The following AKT1 variants were observed in gnomAD, a reference collection of about 807,000 sequenced individuals.
AKT1 encodes the protein RAC-alpha serine/threonine-protein kinase.
Under a neutral mutation model 63.1 loss-of-function variants are expected in AKT1, and 21 were observed. The observed-to-expected ratio is 0.33, with a 90% confidence interval of 0.24 to 0.48. AKT1 has a LOEUF of 0.48. Among genes scored for constraint, AKT1 ranks in the 20% least tolerant of loss-of-function variants. The pLI, the probability that AKT1 is intolerant of heterozygous loss-of-function variation, is 0.99. For missense variants in AKT1, 382 were observed against 666.0 expected (o/e 0.57, Z 4.69); for synonymous variants, 257 against 253.1 (o/e 1.02, Z -0.15).
In AKT1 at chr14:104,786,002, G is replaced by A. The variant is rs1027468749; in HGVS notation, c.47-5786C>T. Among the ~76,000 whole-genome samples, 13 of 151,928 alleles carry A rather than the reference G, an allele frequency of 8.6e-5. No homozygotes were observed. In the East Asian group the frequency reaches 1.6e-3, roughly 18 times the overall value. On this transcript the variant is annotated intron_variant, in intron 3 of 14. Transcript: ENST00000649815. ...ATGTCCTCCCCCACAGGCACTGCCC[G>A]TCACCCACCCCTCGGGCCGGCAAAG... is the stretch of plus-strand genomic sequence containing the variant.
chr14:104,783,262 G>A (rs1893159932), intron 3 of AKT1, among the ~76,000 whole-genome samples: 1 of 152,128 alleles, frequency 6.6e-6, no homozygotes, highest in Non-Finnish European at 1.5e-5. Flanking sequence ...TGTCATCCAG[G>A]ACTTAACTTG....
At chr14:104,783,821 C>T (rs575387152) in intron 3 of AKT1, among the ~76,000 whole-genome samples, 3 of 152,322 alleles carry the variant, frequency 2.0e-5, no homozygotes, top group Admixed American at 6.5e-5. Context: ...GTTTCAGACC[C>T]GGGACCTGGA....
rs1032571139 is a variant in AKT1, at chr14:104,769,910, C to A, written c.*431G>T. On this transcript the variant is annotated 3_prime_UTR_variant, in exon 15 of 15. Transcript: ENST00000649815. ...CATAGTGAGGTTGCATCTGGTGCCA[C>A]CAGGTTGAACTGAGGCCCAGGGCCC... 1 of 395,242 alleles carries A rather than the reference C, an allele frequency of 2.5e-6. No individual in the cohort carries two copies. Among genetic ancestry groups the A allele is most frequent in the African/African-American group, 2.1e-5 (1 of 48,368 alleles). 24.5% of individuals were successfully genotyped at this position (395,242 alleles called of 1,614,324 possible). A position where few individuals can be genotyped will look rare whatever the true frequency, so the allele number is the denominator to read the frequency against.
At chr14:104,772,219 G>T in intron 13 of AKT1, 146 bp downstream of exon 13, 2 of 885,402 alleles carry the variant, frequency 2.3e-6, no homozygotes, top group East Asian at 2.5e-5. Context: ...GGTTGGTGCA[G>T]CAAGGCCCTC....
At chr14:104,785,070 G>A (rs1258779887) in intron 3 of AKT1, among the ~76,000 whole-genome samples, 3 of 152,168 alleles carry the variant, frequency 2.0e-5, no homozygotes, top group African/African-American at 7.2e-5. Flanking sequence ...GGGAGCGGGC[G>A]CCAGCTGACA....
intron 12 of AKT1, 114 bp downstream of exon 12, chr14:104,772,764 C>G (rs960062447): frequency 1.7e-6 from 2 of 1,193,338 alleles, no homozygotes; most frequent in Admixed American, 4.7e-5. Context: ...GGACATCAAG[C>G]TTTGGCTATC....
At position 104,777,671 on chromosome 14, in the gene AKT1, C is replaced by T. The variant is rs993319334; in HGVS notation, c.176-901G>A. The T allele has an allele frequency of 8.5e-5, 84 of 986,420 alleles. No individual in the cohort carries two copies. The South Asian group carries it at 1.7e-3, about 20-fold the overall frequency. The allele number at this position is 986,420 out of a possible 1,614,324, so 61.1% of individuals were successfully genotyped here. On this transcript the variant is annotated intron_variant, in intron 4 of 14. Transcript: ENST00000649815. ...GTGGAGTGTGTAGCCGCTGGGGCTC[C>T]GTGGCAGGCTCTGGCCCAGCCTGTG... is the stretch of plus-strand genomic sequence containing the variant.
chr14:104,779,235 C>T (rs1892893864), intron 4 of AKT1, among the ~76,000 whole-genome samples: 1 of 152,226 alleles, frequency 6.6e-6, no homozygotes, highest in Non-Finnish European at 1.5e-5. Context: ...TCTCTCATCT[C>T]TGTGGGATGC....
rs766000895 is a variant in AKT1, at chr14:104,780,141, C to A, written c.122G>T (p.Arg41Leu). The change falls in exon 4 of 15, where the codon CGG becomes CTG. Residue 41 changes from arginine (R) to leucine (L), a missense_variant. Around this residue, in one of 3 missense-constraint regions of AKT1, gnomAD observed 226 missense variants for 366.4 expected, o/e 0.62. Coordinates refer to ENST00000649815, the MANE Select transcript of AKT1 (RefSeq NM_001382430.1). ...CTCACGTTGGTCCACATCCTGCGGC[C>A]GCTCCTTGTAGCCAATGAAGGTGCC... Reference protein sequence around the residue: ...NDGTFIGYKERPQDVDQREAP... With the variant: ...NDGTFIGYKELPQDVDQREAP... 6.2e-7 allele frequency: 1 copy of A among 1,613,648 alleles called. No homozygotes were observed.
chr14:104,789,658 T>G (rs192203187), intron 3 of AKT1, among the ~76,000 whole-genome samples: 1 of 152,316 alleles, frequency 6.6e-6, no homozygotes, highest in Admixed American at 6.5e-5. Flanking sequence ...TGAGCAACAC[T>G]GAGCCCACCA....
rs1442311422 is a variant in AKT1 at position 104,769,362 on chromosome 14, T to C, written c.*979A>G. 4.1e-6 allele frequency: 1 copy of C among 241,420 alleles called. No individual in the cohort carries two copies. The highest frequency in any genetic ancestry group is 8.1e-6 in the Non-Finnish European group (1 of 122,726). 15.0% of individuals were successfully genotyped at this position (241,420 alleles called of 1,614,324 possible). A position where few individuals can be genotyped will look rare whatever the true frequency, so the allele number is the denominator to read the frequency against. ...GTGAGCCAAAAATTTGAAAAGCAAC[T>C]TTTATTGAAGAATTTGGAGGGAAGG... is the stretch of plus-strand genomic sequence containing the variant. On this transcript the variant is annotated 3_prime_UTR_variant, in exon 15 of 15. Transcript: ENST00000649815.
At chr14:104,793,087 A>T (rs1893711055) in intron 2 of AKT1, 40 bp downstream of exon 2, 2 of 249,798 alleles carry the variant, frequency 8.0e-6, no homozygotes, top group Non-Finnish European at 1.6e-5. Flanking sequence ...CGTTGGACAA[A>T]TCACCCCCAT....
At chr14:104,771,917 C>G (rs1329075515) in intron 13 of AKT1, 1 of 284,422 alleles carries the variant, frequency 3.5e-6, no homozygotes, top group East Asian at 5.3e-5. Context: ...TGTCCCTGTC[C>G]CTGCACAGCC....
chr14:104,785,148 T>G (rs990526250), intron 3 of AKT1, among the ~76,000 whole-genome samples: 15 of 151,806 alleles, frequency 9.9e-5, no homozygotes, highest in African/African-American at 3.4e-4. Flanking sequence ...CCATTTACCT[T>G]CTCCAGCACA....
At chr14:104,773,221 A>G (rs1040361009) in intron 11 of AKT1, 30 bp downstream of exon 11, 1 of 1,613,944 alleles carries the variant, frequency 6.2e-7, no homozygotes, top group Non-Finnish European at 8.5e-7. Context: ...GGGACGCAGC[A>G]ACGCGTATGC....
Position 104,769,993 on chromosome 14 carries a change from A to G in AKT1, c.*348T>C. The stretch of plus-strand genomic sequence containing the variant: ...CCCAGGGCGGCTGGCTGACAGAGTG[A>G]GGGGACACATGGGCAGGACCTGCCC... On this transcript the variant is annotated 3_prime_UTR_variant, in exon 15 of 15. Transcript: ENST00000649815. The G allele has an allele frequency of 2.2e-6, 1 of 445,720 alleles. No homozygotes were observed. The highest frequency in any genetic ancestry group is 4.1e-6 in the Non-Finnish European group (1 of 241,894). 27.6% of individuals were successfully genotyped at this position (445,720 alleles called of 1,614,324 possible).
intron 3 of AKT1, among the ~76,000 whole-genome samples, 192 bp from the exon 4 acceptor site, chr14:104,780,408 C>G (rs747243355): frequency 6.6e-6 from 1 of 152,186 alleles, no homozygotes; most frequent in South Asian, 2.1e-4. Context: ...AAGGCAGACT[C>G]GCCCCACCAC....
chr14:104,790,434 G>A (rs1209235402), intron 3 of AKT1, among the ~76,000 whole-genome samples: 1 of 151,636 alleles, frequency 6.6e-6, no homozygotes, highest in Non-Finnish European at 1.5e-5. Context: ...CAGGAAGGCA[G>A]CTAGTACCTC....
At position 104,770,818 on chromosome 14, in the gene AKT1, C is replaced by T. The variant is rs779447501; in HGVS notation, c.1290G>A (p.Thr430=). The T allele has an allele frequency of 1.7e-5, 27 of 1,613,998 alleles. 1 individual carries two copies. Among genetic ancestry groups the T allele is most frequent in the South Asian group, 1.3e-4 (12 of 91,086 alleles). The change falls in exon 14 of 15, where the codon ACG becomes ACA. Residue 430 remains threonine, a synonymous_variant. Coordinates refer to ENST00000649815, the MANE Select transcript of AKT1 (RefSeq NM_001382430.1). Reference sequence around the variant, plus strand: ...CAAAATACCTGGTGTCAGTCTCCGACGTGACCTGGGGCTTGAAGGGTGGGC... The same window carrying T: ...CAAAATACCTGGTGTCAGTCTCCGATGTGACCTGGGGCTTGAAGGGTGGGC... ...KLSPPFKPQV[T]SETDTRYFDE... is the part of the protein sequence containing the mutation.
Sources: allele counts gnomAD v4.1 joint callset (sites outside exome capture counted in the v4.1 genomes callset), GRCh38; gene constraint gnomAD v4.1.1; regional missense constraint gnomAD v4.1.1; transcripts MANE v1.5; gene names NCBI Gene and HGNC (gene_info 2026-07-23, HGNC 2026-07-21).